Variants in CCDC7 observed in about 807,000 individuals in gnomAD.
CCDC7 encodes the protein coiled-coil domain-containing protein 7.
A neutral mutation model predicts 196.9 loss-of-function variants in CCDC7; 183 were observed. The ratio of observed to expected loss-of-function variants is 0.93; its 90% CI spans 0.82 to 1.05. The LOEUF (loss-of-function observed/expected upper bound fraction) is 1.05. Ranked by LOEUF, CCDC7 falls within the 50% of genes least tolerant of loss-of-function variation. The pLI, the probability that CCDC7 is intolerant of heterozygous loss-of-function variation, is 0.00. For synonymous variants in CCDC7, 525 were observed against 484.6 expected (o/e 1.08, Z -1.10); for missense variants, 1,540 against 1,482.2 (o/e 1.04, Z -0.64).
chr10:32,832,081 C>T (rs2092239784), intron 32 of CCDC7, among the ~76,000 whole-genome samples: 1 of 152,144 alleles, frequency 6.6e-6, no homozygotes, highest in Non-Finnish European at 1.5e-5. Flanking sequence ...AAATTTCCAG[C>T]TCCTTTACAA....
chr10:32,590,664 G>T (rs1212731057), intron 18 of CCDC7, among the ~76,000 whole-genome samples: 1 of 152,122 alleles, frequency 6.6e-6, no homozygotes, highest in Non-Finnish European at 1.5e-5. Context: ...TTATAGGACA[G>T]GTCTGGTGTT....
chr10:32,653,308 G>T (rs2069122216), intron 20 of CCDC7, among the ~76,000 whole-genome samples: 1 of 152,050 alleles, frequency 6.6e-6, no homozygotes, highest in South Asian at 2.1e-4. Context: ...AAGGACCACA[G>T]AGTTCTAACC....
At chr10:32,701,510 A>G (rs1262610450) in intron 24 of CCDC7, among the ~76,000 whole-genome samples, 1 of 152,172 alleles carries the variant, frequency 6.6e-6, no homozygotes, top group Non-Finnish European at 1.5e-5. Context: ...AGGCTTTGGT[A>G]TCAGGATGAT....
intron 8 of CCDC7, among the ~76,000 whole-genome samples, chr10:32,490,881 A>C (rs950192618): frequency 6.6e-6 from 1 of 152,214 alleles, no homozygotes; most frequent in Non-Finnish European, 1.5e-5. Flanking sequence ...CTTACCTACA[A>C]AAAATTATAA....
chr10:32,597,003 T>G (rs553675989), intron 18 of CCDC7, among the ~76,000 whole-genome samples: 1 of 152,296 alleles, frequency 6.6e-6, no homozygotes, highest in Admixed American at 6.5e-5. Context: ...ATTATGCGTC[T>G]TGGGGTTGCT....
intron 21 of CCDC7, among the ~76,000 whole-genome samples, chr10:32,664,643 TCATC>T (rs1323698737): frequency 2.6e-5 from 4 of 152,066 alleles, no homozygotes; most frequent in African/African-American, 7.2e-5. Context: ...TTCTCCACAT[TCATC>T]CATATTATCA....
chr10:32,483,529 G>A (rs2040392392), intron 8 of CCDC7, among the ~76,000 whole-genome samples: 1 of 152,168 alleles, frequency 6.6e-6, no homozygotes, highest in South Asian at 2.1e-4. Flanking sequence ...TTTGGCTTTT[G>A]TTGCCATTGC....
chr10:32,504,271 A>C (rs972260765), intron 9 of CCDC7, among the ~76,000 whole-genome samples: 1 of 151,632 alleles, frequency 6.6e-6, no homozygotes, highest in African/African-American at 2.4e-5. Flanking sequence ...TGCCTGCCAC[A>C]ACGCCCGGCT....
At chr10:32,598,666 G>T (rs936223382) in intron 18 of CCDC7, among the ~76,000 whole-genome samples, 1 of 152,204 alleles carries the variant, frequency 6.6e-6, no homozygotes, top group African/African-American at 2.4e-5. Context: ...ATGATTTATT[G>T]TGGGACCCAT....
At chr10:32,694,846 C>G (rs2077508800) in intron 23 of CCDC7, 33 bp from the exon 25 acceptor site, 1 of 1,286,498 alleles carries the variant, frequency 7.8e-7, no homozygotes, top group Admixed American at 2.4e-5. Context: ...GTCTGTTTTT[C>G]CATTAAGAGA....
At chr10:32,708,342 A>G (rs1035241697) in intron 24 of CCDC7, among the ~76,000 whole-genome samples, 1 of 152,236 alleles carries the variant, frequency 6.6e-6, no homozygotes, top group Non-Finnish European at 1.5e-5. Flanking sequence ...AAAGACTTAA[A>G]TGTTAGACCT....
At chr10:32,684,417 G>A (rs975269033) in intron 21 of CCDC7, among the ~76,000 whole-genome samples, 4 of 152,066 alleles carry the variant, frequency 2.6e-5, no homozygotes, top group Non-Finnish European at 5.9e-5. Context: ...GGTTTGCAAA[G>A]GTTCATGGCA....
chr10:32,462,525 TA>T (rs1171166344), intron 3 of CCDC7, among the ~76,000 whole-genome samples, 157 bp from the exon 5 acceptor site: 10 of 152,154 alleles, frequency 6.6e-5, no homozygotes, highest in African/African-American at 2.4e-4. Flanking sequence ...TGTCTGTAAA[TA>T]AAAAATTTTA....
chr10:32,566,619 TA>T (rs2056829768), intron 14 of CCDC7, among the ~76,000 whole-genome samples: 1 of 151,974 alleles, frequency 6.6e-6, no homozygotes, highest in Non-Finnish European at 1.5e-5. Context: ...GATAAACATT[TA>T]AAAAATTTGG....
At chr10:32,579,065 T>C (rs1266577882) in intron 16 of CCDC7, among the ~76,000 whole-genome samples, 2 of 152,204 alleles carry the variant, frequency 1.3e-5, no homozygotes, top group Admixed American at 6.5e-5. Context: ...ATTAAAGGTA[T>C]ATGTACTAAT....
At chr10:32,471,297 G>A (rs1016836196) in intron 6 of CCDC7, 67 bp downstream of exon 7, 14 of 1,531,132 alleles carry the variant, frequency 9.1e-6, no homozygotes, top group African/African-American at 1.4e-5. Flanking sequence ...AGCACTGAAT[G>A]TAAGATAATG....
intron 18 of CCDC7, among the ~76,000 whole-genome samples, chr10:32,590,384 C>T (rs1294368784): frequency 1.3e-5 from 2 of 151,950 alleles, no homozygotes; most frequent in East Asian, 3.8e-4. Context: ...TACACTTTAA[C>T]TTCATCCCCC....
At chr10:32,647,228 T>G (rs2067916640) in intron 20 of CCDC7, among the ~76,000 whole-genome samples, 1 of 152,192 alleles carries the variant, frequency 6.6e-6, no homozygotes, top group Non-Finnish European at 1.5e-5. Context: ...TTTTATAGGC[T>G]GGGAACAGTG....
intron 20 of CCDC7, among the ~76,000 whole-genome samples, chr10:32,639,434 T>C (rs531863721): frequency 6.6e-6 from 1 of 152,206 alleles, no homozygotes; most frequent in African/African-American, 2.4e-5. Flanking sequence ...GTATGTTGTG[T>C]CTTTGTTCTC....
Sources: allele counts gnomAD v4.1 joint callset (sites outside exome capture counted in the v4.1 genomes callset), GRCh38; gene constraint gnomAD v4.1.1; transcripts MANE v1.5; gene names NCBI Gene and HGNC (gene_info 2026-07-23, HGNC 2026-07-21).